Variants in PHF20 observed in about 807,000 individuals in gnomAD.
PHF20 encodes PHD finger protein 20, also known as glioma-expressed antigen 2.
A neutral mutation model predicts 113.5 loss-of-function variants in PHF20; 23 were observed. The ratio of observed to expected loss-of-function variants is 0.20; its 90% CI spans 0.15 to 0.29. PHF20 has a LOEUF of 0.29. Among genes scored for constraint, PHF20 ranks in the 10% least tolerant of loss-of-function variants. PHF20 has a pLI of 1.00. For missense variants in PHF20, 943 were observed against 1,219.6 expected (o/e 0.77, Z 3.38); for synonymous variants, 434 against 457.3 (o/e 0.95, Z 0.65).
intron 9 of PHF20, among the ~76,000 whole-genome samples, chr20:35,893,708 A>T (rs58679727): frequency 1.3e-5 from 2 of 150,090 alleles, no homozygotes; most frequent in African/African-American, 4.9e-5. Context: ...TCCACCTAGC[A>T]GGTTCAAGTG....
intron 9 of PHF20, among the ~76,000 whole-genome samples, chr20:35,877,770 A>G (rs2054558362): frequency 6.6e-6 from 1 of 152,162 alleles, no homozygotes; most frequent in Non-Finnish European, 1.5e-5. Flanking sequence ...AGAGAAAAAC[A>G]AATAGAAGTA....
intron 1 of PHF20, among the ~76,000 whole-genome samples, chr20:35,781,304 C>T (rs984146331): frequency 5.3e-5 from 8 of 151,568 alleles, no homozygotes; most frequent in South Asian, 4.2e-4. Flanking sequence ...CCACCACATC[C>T]GGCTAATTTT....
intron 3 of PHF20, among the ~76,000 whole-genome samples, chr20:35,846,501 G>GA (rs1424774517): frequency 2.6e-5 from 4 of 152,160 alleles, no homozygotes; most frequent in African/African-American, 7.2e-5. Flanking sequence ...TGTGTGCTGG[G>GA]AAAAGAGTAT....
At position 35,948,962 on chromosome 20, in the gene PHF20, C is replaced by G. The variant is rs2056131952; in HGVS notation, c.*1335C>G. On this transcript the variant is annotated 3_prime_UTR_variant, in exon 18 of 18. Coordinates refer to ENST00000374012, the MANE Select transcript of PHF20 (RefSeq NM_016436.5). ...GTAAACGTGAAGTAGCCAATAATAT[C>G]TCAATAGTAGTAACAGTATCTTTAG... The G allele has an allele frequency of 6.6e-6, 1 of 152,590 alleles. No individual in the cohort carries two copies. The highest frequency in any genetic ancestry group is 1.9e-4 in the East Asian group (1 of 5,194). The allele number at this position is 152,590 out of a possible 1,614,324, so 9.5% of individuals were successfully genotyped here. A position where few individuals can be genotyped will look rare whatever the true frequency, so the allele number is the denominator to read the frequency against.
chr20:35,847,237 C>G (rs2042640456), intron 3 of PHF20, 113 bp from the exon 4 acceptor site: 1 of 648,420 alleles, frequency 1.5e-6, no homozygotes, highest in Admixed American at 3.1e-5. Flanking sequence ...CAGCTACTTT[C>G]CCTTCACACT....
At chr20:35,814,893 AAAT>A (rs1430784803) in intron 2 of PHF20, among the ~76,000 whole-genome samples, 49 of 127,828 alleles carry the variant, frequency 3.8e-4, no homozygotes, top group South Asian at 1.1e-3. Flanking sequence ...AAAAAAAATA[AAAT>A]AAATAAATAA....
chr20:35,795,272 G>A (rs528054192), intron 1 of PHF20, among the ~76,000 whole-genome samples: 4 of 151,236 alleles, frequency 2.6e-5, no homozygotes, highest in African/African-American at 9.7e-5. Context: ...ATCTCACTCT[G>A]ATGCCTGGGC....
chr20:35,878,508 G>C, intron 9 of PHF20: 1 of 614,646 alleles, frequency 1.6e-6, no homozygotes, highest in Non-Finnish European at 2.9e-6. Flanking sequence ...GAAGATCAGG[G>C]ATCCAAACTT....
intron 1 of PHF20, chr20:35,800,242 C>A (rs939987563): frequency 2.0e-5 from 3 of 151,880 alleles, no homozygotes; most frequent in African/African-American, 7.3e-5. Flanking sequence ...TAGGAAAATA[C>A]AAATGATCAG....
chr20:35,851,475 A>G (rs2042729806), intron 4 of PHF20, among the ~76,000 whole-genome samples: 1 of 152,108 alleles, frequency 6.6e-6, no homozygotes, highest in South Asian at 2.1e-4. Context: ...TACTGTGTGA[A>G]CAGCTTTGTA....
intron 1 of PHF20, among the ~76,000 whole-genome samples, chr20:35,791,019 C>T (rs1205869977): frequency 2.0e-5 from 3 of 151,990 alleles, no homozygotes; most frequent in Non-Finnish European, 4.4e-5. Flanking sequence ...CCACCATGCC[C>T]GGCTAATTTT....
At chr20:35,783,995 C>T (rs1293775167) in intron 1 of PHF20, among the ~76,000 whole-genome samples, 8 of 151,282 alleles carry the variant, frequency 5.3e-5, no homozygotes, top group Admixed American at 1.3e-4. Context: ...TAAAACAAAA[C>T]CAAACCAAAG....
intron 1 of PHF20, among the ~76,000 whole-genome samples, chr20:35,795,771 C>T (rs2041654699): frequency 6.6e-6 from 1 of 151,994 alleles, no homozygotes; most frequent in Non-Finnish European, 1.5e-5. Flanking sequence ...CTTTCTTTTT[C>T]CTCATCTTTA....
chr20:35,880,511 AG>A (rs2054608873), intron 9 of PHF20, among the ~76,000 whole-genome samples: 1 of 152,134 alleles, frequency 6.6e-6, no homozygotes, highest in Non-Finnish European at 1.5e-5. Context: ...TGTGGCCATA[AG>A]GTATTTTTTC....
chr20:35,895,703 T>TTTTGG (rs2054966719), intron 9 of PHF20, among the ~76,000 whole-genome samples: 1 of 146,674 alleles, frequency 6.8e-6, no homozygotes, highest in African/African-American at 2.5e-5. Flanking sequence ...TTTTTTTTTT[T>TTTTGG]GAGACAGAGT....
At chr20:35,828,663 G>A (rs1025344997) in intron 2 of PHF20, among the ~76,000 whole-genome samples, 1 of 152,196 alleles carries the variant, frequency 6.6e-6, no homozygotes, top group African/African-American at 2.4e-5. Flanking sequence ...CCTTCTGGCT[G>A]TGCACATGGA....
chr20:35,927,843 G>A lies in PHF20; in HGVS notation c.2068G>A (p.Glu690Lys), dbSNP rs368470074. ...GGGATTACTGGAAGAAAATGTGCCC[G>A]AGAAATACACCTGTTATGTTTGCCA... is the stretch of plus-strand genomic sequence containing the variant. ...CMGLLEENVP[E>K]KYTCYVCQDP... The change falls in exon 14 of 18, where the codon GAG (glutamate) becomes AAG (lysine). Residue 690 changes from glutamate (E) to lysine (K), a missense_variant. Coordinates refer to ENST00000374012, the MANE Select transcript of PHF20 (RefSeq NM_016436.5). The A allele has an allele frequency of 5.6e-6, 9 of 1,613,874 alleles. No homozygotes were observed. Among genetic ancestry groups the A allele is most frequent in the African/African-American group, 1.3e-5 (1 of 75,030 alleles).
At chr20:35,808,873 C>G (rs2041930081) in intron 2 of PHF20, among the ~76,000 whole-genome samples, 1 of 151,502 alleles carries the variant, frequency 6.6e-6, no homozygotes, top group Admixed American at 6.6e-5. Context: ...CACCTGGCCC[C>G]AATTTTTTTT....
At chr20:35,910,375 C>G (rs77054566) in intron 10 of PHF20, among the ~76,000 whole-genome samples, 8,869 of 152,112 alleles carry the variant, frequency 0.058, 413 homozygotes, top group African/African-American at 0.13. Flanking sequence ...CTAAATGCAA[C>G]TGAATTGGTT....
Sources: gnomAD v4.1 joint callset for allele counts (sites outside exome capture counted in the v4.1 genomes callset) on GRCh38, gnomAD v4.1.1 for gene constraint, MANE v1.5 for transcripts, NCBI Gene and HGNC (gene_info 2026-07-23, HGNC 2026-07-21) for gene names.